The following ELP2 variants were observed in gnomAD, a reference collection of about 807,000 sequenced individuals.
ELP2 encodes the protein elongator acetyltransferase complex subunit 2.
A neutral mutation model predicts 119.2 loss-of-function variants in ELP2; 90 were observed. The observed-to-expected ratio is 0.75, with a 90% CI of 0.64 to 0.90. The LOEUF is 0.90. Among genes scored for constraint, ELP2 ranks in the 40% least tolerant of loss-of-function variants. ELP2 has a pLI of 0.00. For synonymous variants in ELP2, 339 were observed against 331.0 expected, an observed-to-expected ratio of 1.02 and a Z score of -0.26; for missense variants, 921 against 967.8, an observed-to-expected ratio of 0.95 and a Z score of 0.64.
intron 2 of ELP2, among the ~76,000 whole-genome samples, chr18:36,134,968 A>T (rs946686581): frequency 6.6e-6 from 1 of 152,244 alleles, no homozygotes; most frequent in Non-Finnish European, 1.5e-5. Flanking sequence ...AATGATGTTT[A>T]AAAAAGTTTT....
At chr18:36,131,595 A>G (rs1018053089) in intron 1 of ELP2, among the ~76,000 whole-genome samples, 4 of 152,232 alleles carry the variant, frequency 2.6e-5, no homozygotes, top group Non-Finnish European at 5.9e-5. Context: ...TTAGCAAGGC[A>G]CACTCTTTGC....
chr18:36,154,794 A>G, intron 11 of ELP2, 56 bp from the exon 12 acceptor site: 2 of 1,605,484 alleles, frequency 1.2e-6, no homozygotes, highest in Non-Finnish European at 1.7e-6. Context: ...TGAGTGCTTT[A>G]CTTTGGTGGT....
rs1452585693 is a variant in ELP2, at chr18:36,180,514, TG to T, written c.*5875del. Reference sequence around the variant, plus strand: ...AAATAAGACAGCAGTAATTTGTATCTGGTACTATTATGATTAAATAAAGCTC... The same window carrying T: ...AAATAAGACAGCAGTAATTTGTATCTGTACTATTATGATTAAATAAAGCTC... On this transcript the variant is annotated 3_prime_UTR_variant, in exon 22 of 22. Coordinates refer to ENST00000358232, the MANE Select transcript of ELP2 (RefSeq NM_018255.4). The T allele has an allele frequency of 6.6e-6, 1 of 152,256 alleles. No individual in the cohort carries two copies. Among genetic ancestry groups the T allele is most frequent in the Non-Finnish European group, 1.5e-5 (1 of 68,056 alleles). The allele number at this position is 152,256 out of a possible 1,614,324, so 9.4% of individuals were successfully genotyped here.
chr18:36,166,563 C>G (rs995764511), intron 18 of ELP2, among the ~76,000 whole-genome samples: 1 of 151,820 alleles, frequency 6.6e-6, no homozygotes, highest in African/African-American at 2.4e-5. Context: ...AACTCCTGAC[C>G]TCAGGTGATC....
At chr18:36,155,040 G>C (rs1258311909) in intron 12 of ELP2, 41 bp downstream of exon 12, 3 of 1,542,790 alleles carry the variant, frequency 1.9e-6, no homozygotes, top group Non-Finnish European at 1.8e-6. Context: ...TCTTGGGACA[G>C]AGTTTCACAT....
At position 36,156,498 on chromosome 18, in the gene ELP2, AC is replaced by A; in HGVS notation, c.1309del (p.His437MetfsTer5). 3 of 1,614,138 alleles carry A rather than the reference AC, an allele frequency of 1.9e-6. No homozygotes were observed. The highest frequency in any genetic ancestry group is 2.5e-6 in the Non-Finnish European group (3 of 1,180,006). On this transcript the variant is annotated frameshift_variant, in exon 13 of 22. Coordinates refer to ENST00000358232, the MANE Select transcript of ELP2 (RefSeq NM_018255.4). LOFTEE classifies it high-confidence loss of function. Reference protein sequence around the residue: ...TWHEIARPQIHGYDLKCLAMI... With the variant: ...TWHEIARPQIXGYDLKCLAMI... ...GGCATGAAATTGCAAGGCCTCAGAT[AC>A]ATGGGTATGACCTGAAATGTTTGGC...
rs60477950 is a variant in ELP2, at chr18:36,166,319, G to GTTTTTTTTTTTTTTTTTTTTTTTT, written c.1955-777_1955-754dup. On this transcript the variant is annotated intron_variant, in intron 18 of 21. Transcript: ENST00000358232. ...AGTTATGTGGTTTTTGTTTTTTAGG[G>GTTTTTTTTTTTTTTTTTTTTTTTT]TTTTTTTTTTTTTTTTTTTTTTTTT... 4.2e-5 allele frequency among the ~76,000 whole-genome samples: 3 copies of GTTTTTTTTTTTTTTTTTTTTTTTT among 71,650 alleles called. 1 individual carries two copies. The highest frequency in any genetic ancestry group is 4.1e-4 in the Admixed American group (2 of 4,918). 47.0% of individuals were successfully genotyped at this position (71,650 alleles called of 152,430 possible).
At chr18:36,152,667 C>T (rs2090439208) in intron 11 of ELP2, among the ~76,000 whole-genome samples, 1 of 152,176 alleles carries the variant, frequency 6.6e-6, no homozygotes, top group East Asian at 1.9e-4. Flanking sequence ...TTATCCAGTC[C>T]ACCTGGCTGG....
At chr18:36,146,171 A>T (rs2090192822) in intron 10 of ELP2, 79 bp from the exon 11 acceptor site, 2 of 1,592,242 alleles carry the variant, frequency 1.3e-6, no homozygotes, top group East Asian at 2.2e-5. Flanking sequence ...GGAATTTAAC[A>T]GTCTCTGGAA....
At position 36,167,224 on chromosome 18, in the gene ELP2, T is replaced by A. The variant is rs1166305547; in HGVS notation, c.2076+2T>A. 6.3e-7 allele frequency: 1 copy of A among 1,576,744 alleles called. No individual in the cohort carries two copies. Among genetic ancestry groups the A allele is most frequent in the Non-Finnish European group, 8.6e-7 (1 of 1,159,424 alleles). ...TTCACTGGGAGTCGAGACAAAAAGG[T>A]AATTATTTAAAAATTTAATATTTTT... On this transcript the variant is annotated splice_donor_variant, in intron 19 of 21. Transcript: ENST00000358232. LOFTEE classifies it high-confidence loss of function.
At chr18:36,133,055 TG>T (rs1244846992) in intron 1 of ELP2, among the ~76,000 whole-genome samples, 182 bp from the exon 2 acceptor site, 1 of 152,162 alleles carries the variant, frequency 6.6e-6, no homozygotes, top group African/African-American at 2.4e-5. Flanking sequence ...AAGGCAGGAC[TG>T]ATTTAGAGGA....
chr18:36,131,529 G>A (rs2089627179), intron 1 of ELP2, among the ~76,000 whole-genome samples: 2 of 152,242 alleles, frequency 1.3e-5, no homozygotes, highest in African/African-American at 2.4e-5. Context: ...TGTCAGGGAA[G>A]CAGGAGCCCG....
chr18:36,142,831 G>T lies in ELP2; in HGVS notation c.661G>T (p.Asp221Tyr), dbSNP rs1430884818. The T allele has an allele frequency of 6.3e-7, 1 of 1,599,534 alleles. No homozygotes were observed. Among genetic ancestry groups the T allele is most frequent in the East Asian group, 2.2e-5 (1 of 44,634 alleles). The change falls in exon 8 of 22, where the codon GAT (aspartate) becomes TAT (tyrosine). Residue 221 changes from aspartate (D) to tyrosine (Y), a missense_variant. Physicochemically the swap from Asp to Tyr is radical, Grantham distance 160. Transcript: ENST00000358232. The stretch of plus-strand genomic sequence containing the variant: ...ACAACTTATTTTTTAATTAGGTAGA[G>T]ATCTTTTCCTAGCAAGCTGTTCACA... ...RGVEWAAFGRDLFLASCSQDC... is the reference protein window; with the variant it reads ...RGVEWAAFGRYLFLASCSQDC...
chr18:36,142,988 C>T (rs1270313297), intron 8 of ELP2, 22 bp downstream of exon 8: 1 of 1,534,972 alleles, frequency 6.5e-7, no homozygotes, highest in African/African-American at 1.4e-5. Flanking sequence ...TGAAAATATC[C>T]AATATAACGA....
At chr18:36,149,930 C>T (rs996900852) in intron 11 of ELP2, among the ~76,000 whole-genome samples, 8 of 152,170 alleles carry the variant, frequency 5.3e-5, no homozygotes. Flanking sequence ...ACATTATGAG[C>T]TGTACAGTGT....
chr18:36,133,927 T>TTC (rs2089734199), intron 2 of ELP2, among the ~76,000 whole-genome samples: 1 of 83,746 alleles, frequency 1.2e-5, no homozygotes, highest in African/African-American at 4.2e-5. Flanking sequence ...TTTTTTTTTT[T>TTC]GAGATGGAGT....
In ELP2 at chr18:36,156,532, A is replaced by T. The variant is rs897782179; in HGVS notation, c.1342A>T (p.Asn448Tyr). 41 of 1,614,040 alleles carry T rather than the reference A, an allele frequency of 2.5e-5. No homozygotes were observed. Among genetic ancestry groups the T allele is most frequent in the Non-Finnish European group, 3.4e-5 (40 of 1,180,010 alleles). ...GYDLKCLAMI[N>Y]RFQFVSGADE... ...TGACCTGAAATGTTTGGCAATGATT[A>T]ATCGGTTTCAGTTTGTATCTGGAGC... Residue 448 changes from asparagine (N) to tyrosine (Y), a missense_variant, in exon 13 of 22, where the codon AAT becomes TAT. Asn to Tyr is a moderately radical substitution (Grantham distance 143). Transcript: ENST00000358232.
At chr18:36,170,238 G>A in intron 20 of ELP2, 42 bp downstream of exon 20, 1 of 1,612,568 alleles carries the variant, frequency 6.2e-7, no homozygotes, top group Non-Finnish European at 8.5e-7. Context: ...GGACCACTTG[G>A]TTTCTTAATA....
intron 1 of ELP2, 40 bp downstream of exon 1, chr18:36,130,111 G>A: frequency 1.2e-6 from 2 of 1,613,172 alleles, no homozygotes; most frequent in Non-Finnish European, 1.7e-6. Flanking sequence ...TGTGCTTTTC[G>A]GGTTGAACCT....
Sources: gnomAD v4.1 joint callset for allele counts (sites outside exome capture counted in the v4.1 genomes callset) on GRCh38, gnomAD v4.1.1 for gene constraint, MANE v1.5 for transcripts, NCBI Gene and HGNC (gene_info 2026-07-23, HGNC 2026-07-21) for gene names.